The following PXDNL variants were observed in gnomAD, a reference collection of about 807,000 sequenced individuals.
PXDNL encodes the protein peroxidasin like.
Under a neutral mutation model 150.8 loss-of-function variants are expected in PXDNL, and 145 were observed. The observed-to-expected ratio is 0.96, with a 90% confidence interval of 0.84 to 1.10. The LOEUF (loss-of-function observed/expected upper bound fraction) is 1.10, where lower values mean the gene tolerates loss of function less well. Among genes scored for constraint, PXDNL ranks in the 50% least tolerant of loss-of-function variants. The pLI, the probability that PXDNL is intolerant of heterozygous loss-of-function variation, is 0.00. For missense variants in PXDNL, 2,087 were observed against 1,873.9 expected (o/e 1.11, Z -2.10); for synonymous variants, 757 against 725.7 (o/e 1.04, Z -0.69).
chr8:51,702,379 TG>T (rs1816275093), intron 1 of PXDNL, among the ~76,000 whole-genome samples: 1 of 152,092 alleles, frequency 6.6e-6, no homozygotes, highest in South Asian at 2.1e-4. Flanking sequence ...AAGAATTGAA[TG>T]AGAATAGAGG....
intron 19 of PXDNL, among the ~76,000 whole-genome samples, chr8:51,362,854 T>C (rs536669508): frequency 6.6e-6 from 1 of 152,374 alleles, no homozygotes; most frequent in East Asian, 1.9e-4. Flanking sequence ...GTTAAGTGTA[T>C]GTGATAAAAT....
At chr8:51,792,168 T>C (rs2037518901) in intron 1 of PXDNL, among the ~76,000 whole-genome samples, 1 of 150,202 alleles carries the variant, frequency 6.7e-6, no homozygotes, top group South Asian at 2.1e-4. Flanking sequence ...ACAGCTGCGG[T>C]CAGAGGCGCC....
chr8:51,417,593 G>T (rs1252719997), intron 14 of PXDNL, among the ~76,000 whole-genome samples: 1 of 152,120 alleles, frequency 6.6e-6, no homozygotes, highest in Non-Finnish European at 1.5e-5. Flanking sequence ...TTACCAATTG[G>T]GTTTTGAGTA....
chr8:51,574,201 A>G (rs764386279), intron 3 of PXDNL, among the ~76,000 whole-genome samples: 3 of 152,048 alleles, frequency 2.0e-5, no homozygotes, highest in Non-Finnish European at 4.4e-5. Flanking sequence ...CCAGCCTTAA[A>G]AAACAAATAG....
At chr8:51,380,615 AG>A (rs1229805663) in intron 17 of PXDNL, among the ~76,000 whole-genome samples, 2 of 152,218 alleles carry the variant, frequency 1.3e-5, no homozygotes, top group Admixed American at 1.3e-4. Flanking sequence ...TGCAAAAAAA[AG>A]TAATATGGCA....
chr8:51,365,983 A>G (rs1337794115), intron 19 of PXDNL, among the ~76,000 whole-genome samples: 8 of 152,196 alleles, frequency 5.3e-5, no homozygotes, highest in African/African-American at 1.9e-4. Flanking sequence ...TCCCCCTGTG[A>G]ACAGTAGATT....
intron 17 of PXDNL, among the ~76,000 whole-genome samples, chr8:51,391,150 A>G (rs1423851412): frequency 6.6e-6 from 1 of 152,180 alleles, no homozygotes; most frequent in African/African-American, 2.4e-5. Context: ...TATGTTGGAC[A>G]TTTGGGTTGG....
intron 17 of PXDNL, among the ~76,000 whole-genome samples, chr8:51,375,892 C>T (rs1017750737): frequency 6.6e-6 from 1 of 152,176 alleles, no homozygotes; most frequent in African/African-American, 2.4e-5. Flanking sequence ...CCATAGACAA[C>T]ATATAAACAA....
intron 1 of PXDNL, among the ~76,000 whole-genome samples, chr8:51,673,170 A>G (rs1293469208): frequency 6.6e-6 from 1 of 152,230 alleles, no homozygotes; most frequent in African/African-American, 2.4e-5. Flanking sequence ...ATGATAAATT[A>G]TGGTACATCA....
In PXDNL at chr8:51,475,128, T is replaced by G. The variant is rs1170155815; in HGVS notation, c.538A>C (p.Asn180His). The change falls in exon 7 of 23, where the codon AAC becomes CAC. Residue 180 changes from asparagine (N) to histidine (H), a missense_variant. By Grantham distance (68) the Asn-to-His change is moderately conservative. Transcript: ENST00000356297. ...DSLKRLRLDS[N>H]ALVCDCDLMW... Reference sequence around the variant, plus strand: ...AGATCACAGTCACAAACCAGGGCGTTGGAATCCAGACGCCTAGGCATGCAG... The same window carrying G: ...AGATCACAGTCACAAACCAGGGCGTGGGAATCCAGACGCCTAGGCATGCAG... The G allele has an allele frequency of 1.2e-6, 2 of 1,612,786 alleles. No individual in the cohort carries two copies. The highest frequency in any genetic ancestry group is 2.2e-5 in the East Asian group (1 of 44,834).
At chr8:51,391,630 G>C (rs1807912615) in intron 17 of PXDNL, among the ~76,000 whole-genome samples, 1 of 152,128 alleles carries the variant, frequency 6.6e-6, no homozygotes, top group African/African-American at 2.4e-5. Context: ...TGTAGATTCT[G>C]GATATTGGCC....
chr8:51,555,902 T>C lies in PXDNL; in HGVS notation c.380+938A>G, dbSNP rs77962786. Among the ~76,000 whole-genome samples, 103 of 152,276 alleles carry C rather than the reference T, an allele frequency of 6.8e-4. 2 individuals carry two copies. Among genetic ancestry groups the C allele is most frequent in the African/African-American group, 2.4e-3 (101 of 41,552 alleles). ...TTCATATTTCACACTGAAATTATGA[T>C]GGTGAATCTGAGGTTTTCATAAAGT... On this transcript the variant is annotated intron_variant, in intron 4 of 22. Transcript: ENST00000356297.
chr8:51,455,777 A>G (rs2129987551), intron 9 of PXDNL, among the ~76,000 whole-genome samples: 1 of 152,194 alleles, frequency 6.6e-6, no homozygotes, highest in East Asian at 1.9e-4. Flanking sequence ...GTGTAATCCC[A>G]GCACTTTGGG....
chr8:51,675,593 G>C (rs1940481539), intron 1 of PXDNL, among the ~76,000 whole-genome samples: 1 of 151,944 alleles, frequency 6.6e-6, no homozygotes, highest in Non-Finnish European at 1.5e-5. Flanking sequence ...AGGAGTTCAA[G>C]ACCAGCCTGA....
At chr8:51,433,777 C>T (rs752017693) in intron 12 of PXDNL, among the ~76,000 whole-genome samples, 1 of 152,114 alleles carries the variant, frequency 6.6e-6, no homozygotes. Context: ...GATTAACCAA[C>T]CTATTAACCA....
chr8:51,496,125 C>T (rs1206359462), intron 5 of PXDNL, among the ~76,000 whole-genome samples: 1 of 152,128 alleles, frequency 6.6e-6, no homozygotes, highest in Non-Finnish European at 1.5e-5. Flanking sequence ...GCTGGTTCAA[C>T]ATATGGAAAT....
At chr8:51,393,496 C>T (rs1180665916) in intron 17 of PXDNL, among the ~76,000 whole-genome samples, 5 of 152,210 alleles carry the variant, frequency 3.3e-5, no homozygotes, top group African/African-American at 1.2e-4. Flanking sequence ...TGCTGTTTCT[C>T]ATAGTCTCCT....
intron 19 of PXDNL, among the ~76,000 whole-genome samples, chr8:51,364,471 A>G (rs1806853427): frequency 6.6e-6 from 1 of 152,354 alleles, no homozygotes; most frequent in South Asian, 2.1e-4. Context: ...CTTCTCTGCT[A>G]TCATAAGACT....
At chr8:51,718,665 A>G (rs906456657) in intron 1 of PXDNL, among the ~76,000 whole-genome samples, 1 of 152,118 alleles carries the variant, frequency 6.6e-6, no homozygotes, top group African/African-American at 2.4e-5. Flanking sequence ...GTGACATCTC[A>G]TTCCCTGTGC....
Sources: allele counts gnomAD v4.1 joint callset (sites outside exome capture counted in the v4.1 genomes callset), GRCh38; gene constraint gnomAD v4.1.1; transcripts MANE v1.5; gene names NCBI Gene and HGNC (gene_info 2026-07-23, HGNC 2026-07-21).